Variants in SPIDR observed in about 807,000 individuals in gnomAD.
SPIDR encodes the protein DNA repair-scaffolding protein.
A neutral mutation model predicts 104.6 loss-of-function variants in SPIDR; 93 were observed. The observed-to-expected ratio is 0.89, with a 90% confidence interval of 0.75 to 1.06. The LOEUF is 1.06. SPIDR is among the 50% of genes least tolerant of loss of function. The pLI is 0.00. For synonymous variants in SPIDR, 431 were observed against 416.9 expected (o/e 1.03, Z -0.41); for missense variants, 1,154 against 1,111.2 (o/e 1.04, Z -0.55).
Position 47,359,231 on chromosome 8 carries a change from C to T in SPIDR, c.526-37145C>T, listed in dbSNP as rs1333467824. On this transcript the variant is annotated intron_variant, in intron 5 of 19. Coordinates refer to ENST00000297423, the MANE Select transcript of SPIDR (RefSeq NM_001080394.4). The stretch of plus-strand genomic sequence containing the variant: ...ACTGCAGTCCGCAGTCCGGCCTGGG[C>T]GACAGAGCGAGACTCCGTCTCAAAA... Among the ~76,000 whole-genome samples, 5 of 141,506 alleles carry T rather than the reference C, an allele frequency of 3.5e-5. No homozygotes were observed. In the Admixed American group the frequency reaches 3.7e-4, roughly 11 times the overall value. The allele number at this position is 141,506 out of a possible 152,430, so 92.8% of individuals were successfully genotyped here. A position where few individuals can be genotyped will look rare whatever the true frequency, so the allele number is the denominator to read the frequency against.
In SPIDR at chr8:47,345,821, G is replaced by A. The variant is rs539227894; in HGVS notation, c.526-50555G>A. On this transcript the variant is annotated intron_variant, in intron 5 of 19. Coordinates refer to ENST00000297423, the MANE Select transcript of SPIDR (RefSeq NM_001080394.4). ...TTTTTGCACATTGATTTTGTATCCCGAGACTTTGCTGAAGTTACTTACCAG... is the reference window on the plus strand; with the variant it reads ...TTTTTGCACATTGATTTTGTATCCCAAGACTTTGCTGAAGTTACTTACCAG... 1.9e-4 allele frequency among the ~76,000 whole-genome samples: 29 copies of A among 152,276 alleles called. No homozygotes were observed. In the South Asian group the frequency reaches 3.7e-3, roughly 20 times the overall value.
chr8:47,585,975 CA>C (rs887633225), intron 8 of SPIDR, among the ~76,000 whole-genome samples: 5 of 152,140 alleles, frequency 3.3e-5, no homozygotes, highest in African/African-American at 1.2e-4. Context: ...CCATAGCAAC[CA>C]AAATATGCTC....
Position 47,463,671 on chromosome 8 carries a change from C to A in SPIDR, c.1097+23129C>A, listed in dbSNP as rs2154354200. ...AGCAGCAGATTAAAAGAGTTATACCCCATTTCCAAAAGGGATTTCCCAGAA... is the reference window on the plus strand; with the variant it reads ...AGCAGCAGATTAAAAGAGTTATACCACATTTCCAAAAGGGATTTCCCAGAA... On this transcript the variant is annotated intron_variant, in intron 8 of 19. Transcript: ENST00000297423. 1.3e-5 allele frequency among the ~76,000 whole-genome samples: 2 copies of A among 152,242 alleles called. 1 individual carries two copies. Among genetic ancestry groups the A allele is most frequent in the South Asian group, 4.1e-4 (2 of 4,822 alleles).
chr8:47,522,744 T>C lies in SPIDR; in HGVS notation c.1098-73067T>C, dbSNP rs376402178. Among the ~76,000 whole-genome samples the C allele has an allele frequency of 4.0e-3, 612 of 152,364 alleles. 4 individuals are homozygous for C. The highest frequency in any genetic ancestry group is 0.023 in the South Asian group (109 of 4,826). On this transcript the variant is annotated intron_variant, in intron 8 of 19. Coordinates refer to ENST00000297423, the MANE Select transcript of SPIDR (RefSeq NM_001080394.4). The stretch of plus-strand genomic sequence containing the variant: ...AAACATGGTTTTTAAAGCTATCTTA[T>C]TAGTTTTTAATGCTAAAAGCATTTT...
chr8:47,474,539 C>T (rs1029712905), intron 8 of SPIDR, among the ~76,000 whole-genome samples: 3 of 152,118 alleles, frequency 2.0e-5, no homozygotes, highest in African/African-American at 7.2e-5. Context: ...AGCTCTTTGC[C>T]TTTAGGAGAT....
At chr8:47,533,678 A>T (rs1587315360) in intron 8 of SPIDR, among the ~76,000 whole-genome samples, 1 of 152,212 alleles carries the variant, frequency 6.6e-6, no homozygotes, top group Non-Finnish European at 1.5e-5. Context: ...CCTCAACATC[A>T]CTGATCATTA....
At chr8:47,350,419 T>C (rs1035578594) in intron 5 of SPIDR, among the ~76,000 whole-genome samples, 2 of 152,176 alleles carry the variant, frequency 1.3e-5, no homozygotes, top group African/African-American at 4.8e-5. Context: ...GTTCAAGCGA[T>C]TCTTCTGCCT....
At chr8:47,287,662 G>T (rs1297177213) in intron 3 of SPIDR, among the ~76,000 whole-genome samples, 1 of 152,172 alleles carries the variant, frequency 6.6e-6, no homozygotes, top group Non-Finnish European at 1.5e-5. Flanking sequence ...TCTGCAAGAA[G>T]AAAAATATGG....
At chr8:47,651,623 A>G (rs2071651664) in intron 10 of SPIDR, among the ~76,000 whole-genome samples, 1 of 152,222 alleles carries the variant, frequency 6.6e-6, no homozygotes, top group Non-Finnish European at 1.5e-5. Context: ...AAAGTAAATC[A>G]TTATATAAAA....
chr8:47,485,882 C>G (rs868936844), intron 8 of SPIDR, among the ~76,000 whole-genome samples: 2 of 152,166 alleles, frequency 1.3e-5, no homozygotes, highest in Non-Finnish European at 2.9e-5. Context: ...AAGGTAGATA[C>G]AGCCACAAAG....
At chr8:47,378,477 T>G (rs550797003) in intron 5 of SPIDR, among the ~76,000 whole-genome samples, 1 of 152,334 alleles carries the variant, frequency 6.6e-6, no homozygotes, top group South Asian at 2.1e-4. Flanking sequence ...GCTATCAAAG[T>G]TAAATGTTAT....
intron 10 of SPIDR, among the ~76,000 whole-genome samples, chr8:47,646,276 C>T (rs60325344): frequency 6.6e-6 from 1 of 152,132 alleles, no homozygotes; most frequent in Non-Finnish European, 1.5e-5. Flanking sequence ...TTTGGTGAGG[C>T]TGAGGGGCAA....
rs932032402 is a variant in SPIDR at position 47,284,098 on chromosome 8, A to G, written c.256+4A>G. On this transcript the variant is annotated splice_donor_region_variant and intron_variant, in intron 3 of 19. Coordinates refer to ENST00000297423, the MANE Select transcript of SPIDR (RefSeq NM_001080394.4). ...TTATGCCCTAGACCCAAGCAAGGTA[A>G]CTATTTTGTTGATTTCTTGACAGAG... 210 of 1,605,118 alleles carry G rather than the reference A, an allele frequency of 1.3e-4. No individual in the cohort carries two copies. Among genetic ancestry groups the G allele is most frequent in the Non-Finnish European group, 1.7e-4 (201 of 1,175,362 alleles).
intron 16 of SPIDR, among the ~76,000 whole-genome samples, chr8:47,715,660 G>A (rs79531879): frequency 0.016 from 2,365 of 152,298 alleles, 34 homozygotes; most frequent in Middle Eastern, 0.027. Flanking sequence ...CATCCACAAT[G>A]CAGTGTGTAT....
chr8:47,336,974 T>A (rs781783338), intron 5 of SPIDR, among the ~76,000 whole-genome samples: 7 of 152,146 alleles, frequency 4.6e-5, no homozygotes. Context: ...TCTAAGTGGG[T>A]GTGGAATGGT....
At chr8:47,475,562 A>T (rs1400579817) in intron 8 of SPIDR, among the ~76,000 whole-genome samples, 4 of 152,262 alleles carry the variant, frequency 2.6e-5, no homozygotes, top group Non-Finnish European at 5.9e-5. Flanking sequence ...TATCACTTTG[A>T]TAATCTTTAG....
chr8:47,702,367 G>A (rs1177761355), intron 14 of SPIDR, among the ~76,000 whole-genome samples: 3 of 152,100 alleles, frequency 2.0e-5, no homozygotes, highest in Admixed American at 6.6e-5. Context: ...ATTCTTTCCC[G>A]ACACTTAGGC....
Position 47,396,488 on chromosome 8 carries a change from C to T in SPIDR, c.638C>T (p.Ala213Val), listed in dbSNP as rs199971445. ...ESPHKYHVQF[A>V]SDARQIMERL... ...CCTCACAAATACCACGTGCAGTTTG[C>T]ATCGGATGCAAGACAGATTATGGAG... Residue 213 changes from alanine to valine, a missense_variant, in exon 6 of 20, where the codon GCA becomes GTA. By Grantham distance (64) the Ala-to-Val change is moderately conservative (BLOSUM62 0). Coordinates refer to ENST00000297423, the MANE Select transcript of SPIDR (RefSeq NM_001080394.4). The T allele has an allele frequency of 6.2e-7, 1 of 1,614,068 alleles. No homozygotes were observed. Among genetic ancestry groups the T allele is most frequent in the East Asian group, 2.2e-5 (1 of 44,868 alleles).
chr8:47,633,125 T>A (rs562364246), intron 10 of SPIDR, among the ~76,000 whole-genome samples: 5 of 152,366 alleles, frequency 3.3e-5, no homozygotes, highest in African/African-American at 1.2e-4. Context: ...AGTACAGAAT[T>A]GAAAAATACA....
Sources: gnomAD v4.1 joint callset for allele counts (sites outside exome capture counted in the v4.1 genomes callset) on GRCh38, gnomAD v4.1.1 for gene constraint, MANE v1.5 for transcripts, NCBI Gene and HGNC (gene_info 2026-07-23, HGNC 2026-07-21) for gene names.